Variants in RANBP10 observed in about 807,000 individuals in gnomAD.
RANBP10 encodes RAN binding protein 10.
In RANBP10, 24 loss-of-function variants were observed where a neutral mutation model predicts 72.8. The ratio of observed to expected loss-of-function variants is 0.33; its 90% CI spans 0.24 to 0.46. The LOEUF (loss-of-function observed/expected upper bound fraction) is 0.46. Among genes scored for constraint, RANBP10 ranks in the 20% least tolerant of loss-of-function variants. The pLI is 1.00. For synonymous variants in RANBP10, 310 were observed against 322.3 expected, an observed-to-expected ratio of 0.96 and a Z score of 0.41; for missense variants, 679 against 817.5, an observed-to-expected ratio of 0.83 and a Z score of 2.07.
chr16:67,770,910 G>A (rs986058674), intron 3 of RANBP10, among the ~76,000 whole-genome samples: 3 of 152,192 alleles, frequency 2.0e-5, no homozygotes, highest in African/African-American at 7.2e-5. Flanking sequence ...CCAAGATCGC[G>A]CCACTACACT....
intron 2 of RANBP10, among the ~76,000 whole-genome samples, chr16:67,795,534 C>T (rs933366166): frequency 4.0e-5 from 6 of 151,462 alleles, no homozygotes; most frequent in South Asian, 2.1e-4. Flanking sequence ...AGTGAAACTC[C>T]GTCTCAAAAT....
At position 67,806,341 on chromosome 16, in the gene RANBP10, T is replaced by C. The variant is rs1346431188; in HGVS notation, c.196A>G (p.Ile66Val). The C allele has an allele frequency of 6.2e-7, 1 of 1,613,510 alleles. No individual in the cohort carries two copies. The highest frequency in any genetic ancestry group is 1.1e-5 in the South Asian group (1 of 90,986). Residue 66 changes from isoleucine (I) to valine (V), a missense_variant, in exon 1 of 14, where the codon ATT becomes GTT. Ile to Val is a conservative substitution (Grantham distance 29). Coordinates refer to ENST00000317506, the MANE Select transcript of RANBP10 (RefSeq NM_020850.3). ...CGGAGGTTGCCCTGGGAGAGACCAA[T>C]GTAGTTGTATTTGTCCTTGGGGCTC... Reference protein sequence around the residue: ...SWSPKDKYNYIGLSQGNLRVH... With the variant: ...SWSPKDKYNYVGLSQGNLRVH...
At position 67,725,311 on chromosome 16, in the gene RANBP10, C is replaced by A. The variant is rs1005095609; in HGVS notation, c.*1117G>T. 1.8e-4 allele frequency: 27 copies of A among 152,536 alleles called. No homozygotes were observed. The highest frequency in any genetic ancestry group is 6.0e-4 in the African/African-American group (25 of 41,566). 9.4% of individuals were successfully genotyped at this position (152,536 alleles called of 1,614,324 possible). A position where few individuals can be genotyped will look rare whatever the true frequency, so the allele number is the denominator to read the frequency against. ...CCTCCACAAGGTACTGGTTTCTCAACAGAAAGCATCCATTCTCTCAGAGCT... is the reference window on the plus strand; with the variant it reads ...CCTCCACAAGGTACTGGTTTCTCAAAAGAAAGCATCCATTCTCTCAGAGCT... On this transcript the variant is annotated 3_prime_UTR_variant, in exon 14 of 14. Transcript: ENST00000317506.
intron 3 of RANBP10, among the ~76,000 whole-genome samples, chr16:67,746,325 C>CA (rs1191378614): frequency 2.1e-5 from 3 of 145,652 alleles, no homozygotes; most frequent in African/African-American, 5.1e-5. Flanking sequence ...ACCAAAAATA[C>CA]AAAAAATTAG....
At chr16:67,738,321 A>G (rs954033660) in intron 4 of RANBP10, among the ~76,000 whole-genome samples, 1 of 151,046 alleles carries the variant, frequency 6.6e-6, no homozygotes, top group East Asian at 2.0e-4. Flanking sequence ...TATTTTTAGT[A>G]GAGACAGGGT....
intron 4 of RANBP10, among the ~76,000 whole-genome samples, chr16:67,740,319 T>A (rs2053944126): frequency 6.6e-6 from 1 of 152,012 alleles, no homozygotes; most frequent in Non-Finnish European, 1.5e-5. Context: ...GTTAGCCAGA[T>A]GGTCTCGATC....
chr16:67,790,723 G>A (rs2055008023), intron 2 of RANBP10, among the ~76,000 whole-genome samples: 1 of 151,662 alleles, frequency 6.6e-6, no homozygotes, highest in Admixed American at 6.6e-5. Flanking sequence ...TTTTTGAGAT[G>A]GAGCCTCAAT....
chr16:67,794,008 T>C (rs1385008036), intron 2 of RANBP10, among the ~76,000 whole-genome samples: 16 of 151,986 alleles, frequency 1.1e-4, no homozygotes, highest in South Asian at 2.1e-4. Context: ...GCCTCCCAAG[T>C]AGCTAGGTCT....
At position 67,729,881 on chromosome 16, in the gene RANBP10, C is replaced by T. The variant is rs2053690528; in HGVS notation, c.999-53G>A. ...CTGGTTGTGGTCCAGGTTGACGTTC[C>T]CACCACCAGCTGAGAGGGGCTGGAC... On this transcript the variant is annotated intron_variant, in intron 8 of 13. Coordinates refer to ENST00000317506, the MANE Select transcript of RANBP10 (RefSeq NM_020850.3). This position sits in a 1 kb window ranked among gnomAD's most constrained non-coding sequence, Gnocchi z 7.1. 6.2e-7 allele frequency: 1 copy of T among 1,613,404 alleles called. No individual in the cohort carries two copies. The highest frequency in any genetic ancestry group is 8.5e-7 in the Non-Finnish European group (1 of 1,179,864).
intron 2 of RANBP10, among the ~76,000 whole-genome samples, chr16:67,780,181 G>A (rs887084219): frequency 1.3e-5 from 2 of 152,086 alleles, no homozygotes; most frequent in Non-Finnish European, 2.9e-5. Flanking sequence ...GCAGTGAGCC[G>A]AGATTGCGCC....
In RANBP10 at chr16:67,761,691, T is replaced by C. The variant is rs569931314; in HGVS notation, c.400+10343A>G. 1.6e-3 allele frequency among the ~76,000 whole-genome samples: 250 copies of C among 152,328 alleles called. 2 individuals carry two copies. The highest frequency in any genetic ancestry group is 5.7e-3 in the African/African-American group (239 of 41,584). On this transcript the variant is annotated intron_variant, in intron 3 of 13. Coordinates refer to ENST00000317506, the MANE Select transcript of RANBP10 (RefSeq NM_020850.3). The stretch of plus-strand genomic sequence containing the variant: ...TTCAAGCAATTCTCCTGCCTCAGCC[T>C]CCTGAGTAGCTGGGACTACAGGCGC...
intron 2 of RANBP10, among the ~76,000 whole-genome samples, chr16:67,798,228 G>C (rs1393947899): frequency 6.6e-6 from 1 of 152,114 alleles, no homozygotes; most frequent in Non-Finnish European, 1.5e-5. Flanking sequence ...ACCACGGCCT[G>C]TACCTACCTT....
intron 2 of RANBP10, among the ~76,000 whole-genome samples, chr16:67,789,986 A>T (rs2054993816): frequency 6.6e-6 from 1 of 151,298 alleles, no homozygotes; most frequent in South Asian, 2.1e-4. Context: ...AATCCCAGCT[A>T]CTCGGGAGGC....
chr16:67,754,318 C>T (rs1304674276), intron 3 of RANBP10, among the ~76,000 whole-genome samples: 1 of 152,160 alleles, frequency 6.6e-6, no homozygotes, highest in Non-Finnish European at 1.5e-5. Flanking sequence ...ATGGGGAACA[C>T]TCATTAAACA....
chr16:67,748,953 C>T (rs944734597), intron 3 of RANBP10, among the ~76,000 whole-genome samples: 3 of 152,168 alleles, frequency 2.0e-5, no homozygotes, highest in Admixed American at 1.3e-4. Context: ...TGCTTAAGCA[C>T]ATCCCTCTCC....
At chr16:67,760,703 G>A (rs761752633) in intron 3 of RANBP10, among the ~76,000 whole-genome samples, 9 of 152,172 alleles carry the variant, frequency 5.9e-5, no homozygotes, top group Non-Finnish European at 1.0e-4. Flanking sequence ...ATGCTTCAAC[G>A]GGCCTGATGC....
At chr16:67,767,903 G>A (rs2054534971) in intron 3 of RANBP10, among the ~76,000 whole-genome samples, 1 of 151,678 alleles carries the variant, frequency 6.6e-6, no homozygotes, top group Non-Finnish European at 1.5e-5. Context: ...GCCTCTACAA[G>A]AAAATTTTAA....
intron 2 of RANBP10, among the ~76,000 whole-genome samples, chr16:67,782,685 T>G (rs2054834733): frequency 6.6e-6 from 1 of 151,680 alleles, no homozygotes; most frequent in African/African-American, 2.4e-5. Context: ...ACTCCTGACC[T>G]CATGTAATCC....
Position 67,730,173 on chromosome 16 carries a change from A to G in RANBP10, c.890-127T>C. On this transcript the variant is annotated intron_variant, in intron 7 of 13. Transcript: ENST00000317506. The surrounding 1 kb of genome is among the most constrained non-coding windows in gnomAD (Gnocchi z 4.3). ...TGCCTCGCCAGCTTGAAATGCTCACAGGAGAGGAGGCTGGAGAAAGAACCT... is the reference window on the plus strand; with the variant it reads ...TGCCTCGCCAGCTTGAAATGCTCACGGGAGAGGAGGCTGGAGAAAGAACCT... 1.3e-6 allele frequency: 1 copy of G among 765,330 alleles called. No individual in the cohort carries two copies. The highest frequency in any genetic ancestry group is 2.1e-6 in the Non-Finnish European group (1 of 468,518). The allele number at this position is 765,330 out of a possible 1,614,324, so 47.4% of individuals were successfully genotyped here. A position where few individuals can be genotyped will look rare whatever the true frequency, so the allele number is the denominator to read the frequency against.
Sources: allele counts gnomAD v4.1 joint callset (sites outside exome capture counted in the v4.1 genomes callset), GRCh38; gene constraint gnomAD v4.1.1; non-coding constraint Gnocchi (gnomAD v3.1); transcripts MANE v1.5; gene names NCBI Gene and HGNC (gene_info 2026-07-23, HGNC 2026-07-21).